GPX6: variants seen among roughly 807,000 people sequenced by gnomAD.
The protein encoded by GPX6 is glutathione peroxidase 6.
Under a neutral mutation model 20.0 loss-of-function variants are expected in GPX6, and 21 were observed. That is an observed-to-expected ratio of 1.05 (90% CI 0.74 to 1.51). GPX6 has a LOEUF of 1.51. Ranked by LOEUF, GPX6 falls within the 40% of genes most tolerant of loss-of-function variation. GPX6 has a pLI of 0.00. For missense variants in GPX6, 233 were observed against 254.7 expected (o/e 0.91, Z 0.58); for synonymous variants, 75 against 98.0 (o/e 0.77, Z 1.38).
At chr6:28,511,921 C>A (rs1275704533) in intron 1 of GPX6, among the ~76,000 whole-genome samples, 4 of 152,144 alleles carry the variant, frequency 2.6e-5, no homozygotes, top group African/African-American at 9.6e-5. Context: ...GCTCAGCGGG[C>A]CCCGCACTCG....
chr6:28,505,659 G>T, intron 4 of GPX6, 44 bp downstream of exon 4: 1 of 1,473,654 alleles, frequency 6.8e-7, no homozygotes, highest in Non-Finnish European at 9.5e-7. Context: ...TGCTTTCAGA[G>T]CATTTCTAGC....
intron 1 of GPX6, 32 bp from the exon 2 acceptor site, chr6:28,510,936 T>C (rs1193280561): frequency 1.9e-6 from 3 of 1,564,818 alleles, no homozygotes; most frequent in African/African-American, 2.7e-5. Context: ...CATAACGATA[T>C]AAGATAAAAA....
rs1266338869 is a variant in GPX6 at position 28,510,916 on chromosome 6, CA to C, written c.88-13del. 6.3e-7 allele frequency: 1 copy of C among 1,588,952 alleles called. No homozygotes were observed. The highest frequency in any genetic ancestry group is 1.4e-5 in the African/African-American group (1 of 73,776). On this transcript the variant is annotated splice_polypyrimidine_tract_variant and intron_variant, in intron 1 of 4. Coordinates refer to ENST00000361902, the MANE Select transcript of GPX6 (RefSeq NM_182701.1). Reference sequence around the variant, plus strand: ...TTGTTGCAATCCACCTGGAATTTTACAAAAATAACCATAACGATATAAGATA... The same window carrying C: ...TTGTTGCAATCCACCTGGAATTTTACAAAATAACCATAACGATATAAGATA...
In GPX6 at chr6:28,504,099, TACAC is replaced by T. The variant is rs55919532; in HGVS notation, c.*189_*192del. On this transcript the variant is annotated 3_prime_UTR_variant, in exon 5 of 5. Coordinates refer to ENST00000361902, the MANE Select transcript of GPX6 (RefSeq NM_182701.1). The stretch of plus-strand genomic sequence containing the variant: ...CAACAAATACAATTCTACATATCCA[TACAC>T]ACACACACACACACACACACAGCTA... The T allele has an allele frequency of 5.2e-3, 2,937 of 560,492 alleles. 6 individuals carry two copies. Among genetic ancestry groups the T allele is most frequent in the Middle Eastern group, 0.017 (36 of 2,080 alleles). 34.7% of individuals were successfully genotyped at this position (560,492 alleles called of 1,614,324 possible).
In GPX6 at chr6:28,515,589, T is replaced by C. The variant is rs34349364; in HGVS notation, c.87+68A>G. 6,004 of 1,209,914 alleles carry C rather than the reference T, an allele frequency of 5.0e-3. 121 individuals are homozygous for C. The African/African-American group carries it at 0.054, about 11-fold the overall frequency. The allele number at this position is 1,209,914 out of a possible 1,614,324, so 74.9% of individuals were successfully genotyped here. On this transcript the variant is annotated intron_variant, in intron 1 of 4. Transcript: ENST00000361902. ...CGAAAGGGGAGAGTAGAGAACTCCT[T>C]GCAACTCTGGCAGCCAGGTTGGTCA...
intron 1 of GPX6, among the ~76,000 whole-genome samples, chr6:28,512,005 G>A (rs1762887138): frequency 2.0e-5 from 3 of 152,252 alleles, no homozygotes; most frequent in Admixed American, 6.5e-5. Flanking sequence ...ACTTCTCGCT[G>A]GGCCTTAGCT....
chr6:28,504,977 T>C (rs1033343290), intron 4 of GPX6, among the ~76,000 whole-genome samples: 2 of 152,142 alleles, frequency 1.3e-5, no homozygotes, highest in Non-Finnish European at 2.9e-5. Context: ...ATTTTGCCAA[T>C]AAGAAAAATT....
At chr6:28,510,455 A>G (rs1174131681) in intron 2 of GPX6, among the ~76,000 whole-genome samples, 1 of 152,186 alleles carries the variant, frequency 6.6e-6, no homozygotes, top group African/African-American at 2.4e-5. Flanking sequence ...AAGAAACCCC[A>G]TGGTTCTCTA....
rs1156327790 is a variant in GPX6 at position 28,510,874 on chromosome 6, T to C, written c.118A>G (p.Ile40Val). ...VDCNKGVTGT[I>V]YEYGALTLNG... is the part of the protein sequence containing the mutation. ...AGGGTGAGGGCTCCATACTCATAGATGGTGCCTGTTACCCCTTTGTTGCAA... is the reference window on the plus strand; with the variant it reads ...AGGGTGAGGGCTCCATACTCATAGACGGTGCCTGTTACCCCTTTGTTGCAA... Residue 40 changes from isoleucine to valine, a missense_variant, in exon 2 of 5, where the codon ATC (isoleucine) becomes GTC (valine). Coordinates refer to ENST00000361902, the MANE Select transcript of GPX6 (RefSeq NM_182701.1). 4.3e-6 allele frequency: 7 copies of C among 1,613,270 alleles called. No homozygotes were observed. The highest frequency in any genetic ancestry group is 1.1e-5 in the South Asian group (1 of 90,988).
intron 2 of GPX6, among the ~76,000 whole-genome samples, chr6:28,508,886 AT>A (rs1305428947): frequency 3.3e-5 from 5 of 152,322 alleles, no homozygotes; most frequent in African/African-American, 1.2e-4. Flanking sequence ...TTTTGAGAGC[AT>A]CTTTTTATGC....
At chr6:28,508,985 G>C (rs1762835218) in intron 2 of GPX6, among the ~76,000 whole-genome samples, 1 of 152,140 alleles carries the variant, frequency 6.6e-6, no homozygotes, top group South Asian at 2.1e-4. Context: ...AATTTTATTA[G>C]AATTTTGGCT....
intron 1 of GPX6, among the ~76,000 whole-genome samples, chr6:28,513,346 G>C (rs34931542): frequency 3.3e-5 from 5 of 152,164 alleles, no homozygotes; most frequent in Non-Finnish European, 5.9e-5. Flanking sequence ...TGGGGCTTCA[G>C]TTGTAAACAT....
chr6:28,506,604 G>A (rs961633560), intron 2 of GPX6, among the ~76,000 whole-genome samples, 175 bp from the exon 3 acceptor site: 2 of 151,084 alleles, frequency 1.3e-5, no homozygotes, highest in Non-Finnish European at 2.9e-5. Flanking sequence ...TAGAGCACAC[G>A]TTTCCAGAAA....
intron 4 of GPX6, 54 bp downstream of exon 4, chr6:28,505,649 T>C (rs1762799718): frequency 7.1e-7 from 1 of 1,416,842 alleles, no homozygotes; most frequent in Non-Finnish European, 1.0e-6. Flanking sequence ...TGAGCCCCAC[T>C]GCTTTCAGAG....
Position 28,513,574 on chromosome 6 carries a change from C to T in GPX6, c.87+2083G>A, listed in dbSNP as rs147350342. 2.8e-3 allele frequency among the ~76,000 whole-genome samples: 423 copies of T among 152,270 alleles called. 5 individuals are homozygous for T. The highest frequency in any genetic ancestry group is 1.0e-2 in the African/African-American group (414 of 41,558). On this transcript the variant is annotated intron_variant, in intron 1 of 4. Coordinates refer to ENST00000361902, the MANE Select transcript of GPX6 (RefSeq NM_182701.1). ...ACTTCTTTATATTGTGGTGAAACAG[C>T]CTGAACTGCTCATGAATTAAAGTTC...
At position 28,510,868 on chromosome 6, in the gene GPX6, C is replaced by A. The variant is rs1480397175; in HGVS notation, c.124G>T (p.Glu42Ter). 1 of 1,613,402 alleles carries A rather than the reference C, an allele frequency of 6.2e-7. No homozygotes were observed. Reference protein sequence around the residue: ...CNKGVTGTIYEYGALTLNGEE... With the variant: ...CNKGVTGTIY ...CCGTTGAGGGTGAGGGCTCCATACT[C>A]ATAGATGGTGCCTGTTACCCCTTTG... Residue 42 changes from glutamate to a stop codon, truncating the protein, a stop_gained, in exon 2 of 5, where the codon GAG becomes TAG. Transcript: ENST00000361902. LOFTEE classifies it high-confidence loss of function.
At chr6:28,513,158 A>G (rs547043792) in intron 1 of GPX6, among the ~76,000 whole-genome samples, 15 of 152,262 alleles carry the variant, frequency 9.9e-5, no homozygotes, top group Admixed American at 2.6e-4. Context: ...CTTCCACTTA[A>G]TAAAACCTTG....
chr6:28,515,731 A>T lies in GPX6; in HGVS notation c.13T>A (p.Phe5Ile). 1.2e-6 allele frequency: 2 copies of T among 1,613,912 alleles called. No homozygotes were observed. The highest frequency in any genetic ancestry group is 1.7e-6 in the Non-Finnish European group (2 of 1,179,808). The change falls in exon 1 of 5, where the codon TTC (phenylalanine) becomes ATC (isoleucine). Residue 5 changes from phenylalanine to isoleucine, a missense_variant. By Grantham distance (21) the Phe-to-Ile change is conservative. Coordinates refer to ENST00000361902, the MANE Select transcript of GPX6 (RefSeq NM_182701.1). ...AACAGGACAAGACAGGAGGCCTGGA[A>T]CTGCTGGAACATGGCTAGGAGTTTT... MFQQFQASCLVLFFL... is the reference protein window; with the variant it reads MFQQIQASCLVLFFL...
At chr6:28,509,279 G>A (rs1762837173) in intron 2 of GPX6, among the ~76,000 whole-genome samples, 1 of 151,862 alleles carries the variant, frequency 6.6e-6, no homozygotes, top group Non-Finnish European at 1.5e-5. Context: ...CAGCACTTTG[G>A]GAGGCCAAGA....
Sources: allele counts gnomAD v4.1 joint callset (sites outside exome capture counted in the v4.1 genomes callset), GRCh38; gene constraint gnomAD v4.1.1; transcripts MANE v1.5; gene names NCBI Gene and HGNC (gene_info 2026-07-23, HGNC 2026-07-21).